The following A2ML1 variants were observed in gnomAD, a reference collection of about 807,000 sequenced individuals.
A2ML1 encodes alpha-2-macroglobulin like 1.
In A2ML1, 161 loss-of-function variants were observed where a neutral mutation model predicts 181.9. The observed-to-expected ratio is 0.89, with a 90% CI of 0.78 to 1.01. The LOEUF (loss-of-function observed/expected upper bound fraction) is 1.01. Among genes scored for constraint, A2ML1 ranks in the 50% least tolerant of loss-of-function variants. The probability of loss-of-function intolerance (pLI) is 0.00; values close to 1 mark genes in which losing one functional copy is unlikely to be tolerated. For missense variants in A2ML1, 1,670 were observed against 1,768.1 expected, an observed-to-expected ratio of 0.94 and a Z score of 1.00; for synonymous variants, 663 against 666.8, an observed-to-expected ratio of 0.99 and a Z score of 0.09.
intron 10 of A2ML1, among the ~76,000 whole-genome samples, chr12:8,840,297 G>T (rs12823162): frequency 1.3e-5 from 2 of 151,502 alleles, no homozygotes; most frequent in Non-Finnish European, 2.9e-5. Context: ...GAGGCAGGGG[G>T]TGCAGTGAGC....
At chr12:8,834,780 G>T in intron 5 of A2ML1, 98 bp downstream of exon 5, 1 of 1,480,976 alleles carries the variant, frequency 6.8e-7, no homozygotes, top group Non-Finnish European at 9.4e-7. Context: ...CTGAGATCTT[G>T]GCCCAGAGCC....
chr12:8,875,454 T>TA (rs1197625498), intron 35 of A2ML1: 1 of 146,756 alleles, frequency 6.8e-6, no homozygotes, highest in Non-Finnish European at 1.5e-5. Flanking sequence ...TTTTTTTTTT[T>TA]AAACAGGATC....
At chr12:8,877,379 A>G (rs1275914487), downstream of A2ML1, among the ~76,000 whole-genome samples, 1 of 152,240 alleles carries the variant, frequency 6.6e-6, no homozygotes, top group Non-Finnish European at 1.5e-5. Context: ...AGCAAAAGAA[A>G]CTATCAACAG....
chr12:8,866,314 A>C (rs1266056317), intron 29 of A2ML1, among the ~76,000 whole-genome samples: 1 of 149,736 alleles, frequency 6.7e-6, no homozygotes. Flanking sequence ...CAAAAAAAAA[A>C]AAAAAAAAAA....
chr12:8,831,413 A>G (rs776903045), intron 4 of A2ML1, among the ~76,000 whole-genome samples: 1 of 152,288 alleles, frequency 6.6e-6, no homozygotes, highest in African/African-American at 2.4e-5. Flanking sequence ...GATTACTTCC[A>G]GGTGTTCTGT....
chr12:8,854,987 C>T (rs888091414), intron 22 of A2ML1, among the ~76,000 whole-genome samples, 156 bp downstream of exon 22: 2 of 151,920 alleles, frequency 1.3e-5, no homozygotes, highest in East Asian at 1.9e-4. Flanking sequence ...CTCTGCCTCC[C>T]GGGTTCAAGT....
chr12:8,860,601 T>G (rs1012759781), intron 26 of A2ML1, among the ~76,000 whole-genome samples: 11 of 152,008 alleles, frequency 7.2e-5, no homozygotes, highest in Non-Finnish European at 1.5e-4. Context: ...CCTTCCTAAC[T>G]CCTTCTCTTG....
At chr12:8,886,010 T>TCTCACACACA (rs71451992) in intron 7 of A2ML1, among the ~76,000 whole-genome samples, 46 of 145,002 alleles carry the variant, frequency 3.2e-4, no homozygotes, top group African/African-American at 9.9e-4. Flanking sequence ...CAACAATATC[T>TCTCACACACA]CACACACACA....
In A2ML1 at chr12:8,857,200, G is replaced by A. The variant is rs767222884; in HGVS notation, c.2885G>A (p.Gly962Asp). The change falls in exon 24 of 36, where the codon GGT (glycine) becomes GAT (aspartate). Residue 962 changes from glycine to aspartate, a missense_variant. Gly to Asp is a moderately conservative substitution (Grantham distance 94, BLOSUM62 -1). Coordinates refer to ENST00000299698, the MANE Select transcript of A2ML1 (RefSeq NM_144670.6). ...GGCACAGCCCTGCAGAACCTGGATG[G>A]TCTGGTGCAGATGCCCAGTGGCTGT... ...IMGTALQNLDGLVQMPSGCGE... is the reference protein window; with the variant it reads ...IMGTALQNLDDLVQMPSGCGE... 88 of 1,612,758 alleles carry A rather than the reference G, an allele frequency of 5.5e-5. No homozygotes were observed. Among genetic ancestry groups the A allele is most frequent in the Non-Finnish European group, 7.4e-5 (87 of 1,179,998 alleles).
At chr12:8,855,398 C>A in intron 22 of A2ML1, 111 bp from the exon 23 acceptor site, 1 of 915,672 alleles carries the variant, frequency 1.1e-6, no homozygotes. Context: ...CCAGAGAAAG[C>A]ACCGAGTACA....
At chr12:8,854,725 C>T in intron 21 of A2ML1, 55 bp from the exon 22 acceptor site, 2 of 1,599,424 alleles carry the variant, frequency 1.3e-6, no homozygotes, top group South Asian at 1.1e-5. Context: ...CCTTTAGTGC[C>T]ATCCCTCCTG....
intron 7 of A2ML1, among the ~76,000 whole-genome samples, chr12:8,883,094 A>G (rs1944885415): frequency 1.3e-5 from 2 of 152,070 alleles, no homozygotes; most frequent in Non-Finnish European, 2.9e-5. Context: ...TGGTCCTTCA[A>G]GGAATGGCCT....
intron 11 of A2ML1, 106 bp from the exon 12 acceptor site, chr12:8,843,028 A>G (rs1231890566): frequency 1.7e-5 from 16 of 958,516 alleles, no homozygotes; most frequent in Non-Finnish European, 2.4e-5. Flanking sequence ...ATTCTCAGGC[A>G]GTGAAGATTT....
At chr12:8,858,340 T>C (rs1944143076) in intron 26 of A2ML1, 1 of 396,862 alleles carries the variant, frequency 2.5e-6, no homozygotes. Flanking sequence ...CCCAGCACTT[T>C]GGGAGGCCGA....
chr12:8,872,832 C>CA (rs1255200319), intron 33 of A2ML1, among the ~76,000 whole-genome samples: 2 of 149,292 alleles, frequency 1.3e-5, no homozygotes, highest in Non-Finnish European at 3.0e-5. Flanking sequence ...TTTTCCAAAA[C>CA]AAAAAAATAA....
chr12:8,858,349 G>A (rs1000014048), intron 26 of A2ML1: 12 of 358,288 alleles, frequency 3.3e-5, no homozygotes, highest in Admixed American at 1.2e-4. Flanking sequence ...TTGGGAGGCC[G>A]AGGCGGGCAG....
chr12:8,853,412 A>T (rs1943957002), intron 20 of A2ML1, among the ~76,000 whole-genome samples: 1 of 152,234 alleles, frequency 6.6e-6, no homozygotes, highest in South Asian at 2.1e-4. Flanking sequence ...AAATTATTGT[A>T]AAACTTAAGT....
chr12:8,837,314 T>G, intron 7 of A2ML1, 126 bp from the exon 8 acceptor site: 1 of 1,291,734 alleles, frequency 7.7e-7, no homozygotes, highest in Non-Finnish European at 1.1e-6. Flanking sequence ...GCCACTGCAC[T>G]GGCCCAGATT....
rs1944803182 is a variant in A2ML1, at chr12:8,876,455, C to G, written c.*399C>G. On this transcript the variant is annotated 3_prime_UTR_variant, in exon 36 of 36. Coordinates refer to ENST00000299698, the MANE Select transcript of A2ML1 (RefSeq NM_144670.6). Reference sequence around the variant, plus strand: ...TTGGGATTGCGAGGTGGGCGGATCACTTGAGGTCAGGAGTTCAAGACCAGC... The same window carrying G: ...TTGGGATTGCGAGGTGGGCGGATCAGTTGAGGTCAGGAGTTCAAGACCAGC... 2.0e-5 allele frequency: 3 copies of G among 152,292 alleles called. No individual in the cohort carries two copies. The highest frequency in any genetic ancestry group is 7.2e-5 in the African/African-American group (3 of 41,450). 9.4% of individuals were successfully genotyped at this position (152,292 alleles called of 1,614,324 possible). A position where few individuals can be genotyped will look rare whatever the true frequency, so the allele number is the denominator to read the frequency against.
Sources: gnomAD v4.1 joint callset for allele counts (sites outside exome capture counted in the v4.1 genomes callset) on GRCh38, gnomAD v4.1.1 for gene constraint, MANE v1.5 for transcripts, NCBI Gene and HGNC (gene_info 2026-07-23, HGNC 2026-07-21) for gene names.